SEPTIN9: variants seen among roughly 807,000 people sequenced by gnomAD.
SEPTIN9 encodes septin 9.
SEPTIN9 carries 13 observed loss-of-function variants against 56.6 expected under a neutral mutation model. The observed-to-expected ratio is 0.23, with a 90% CI of 0.15 to 0.37. The LOEUF (loss-of-function observed/expected upper bound fraction) is 0.37. SEPTIN9 is among the 10% of genes least tolerant of loss of function. SEPTIN9 has a pLI of 1.00. For synonymous variants in SEPTIN9, 332 were observed against 334.1 expected, an observed-to-expected ratio of 0.99 and a Z score of 0.07; for missense variants, 650 against 823.1, an observed-to-expected ratio of 0.79 and a Z score of 2.57.
rs35634675 is a variant in SEPTIN9, at chr17:77,453,605, CAA to C, written c.722-28523_722-28522del. Among the ~76,000 whole-genome samples, 45 of 81,084 alleles carry C rather than the reference CAA, an allele frequency of 5.5e-4. No individual in the cohort carries two copies. The highest frequency in any genetic ancestry group is 1.3e-3 in the Admixed American group (9 of 7,150). 53.2% of individuals were successfully genotyped at this position (81,084 alleles called of 152,430 possible). Reference sequence around the variant, plus strand: ...GGGCAACAAGAGTGAAACTCTGTCTCAAAAAAAAAAAAAAAAAGCCTTATCTG... The same window carrying C: ...GGGCAACAAGAGTGAAACTCTGTCTCAAAAAAAAAAAAAAAGCCTTATCTG... On this transcript the variant is annotated intron_variant, in intron 3 of 11. Transcript: ENST00000427177. This position sits in a 1 kb window ranked among gnomAD's most constrained non-coding sequence, Gnocchi z 4.4.
At chr17:77,306,082 G>A (rs544053596) in intron 1 of SEPTIN9, among the ~76,000 whole-genome samples, 19 of 151,940 alleles carry the variant, frequency 1.3e-4, no homozygotes, top group African/African-American at 4.6e-4. Context: ...GGTGGATGGG[G>A]TCCATGGGTG....
At chr17:77,373,480 C>G in intron 2 of SEPTIN9, 1 of 1,527,432 alleles carries the variant, frequency 6.5e-7, no homozygotes, top group Non-Finnish European at 8.8e-7. Flanking sequence ...CCGCGCGACC[C>G]GCTGCCCACC....
Position 77,369,712 on chromosome 17 carries a change from G to A in SEPTIN9, c.77-32347G>A, listed in dbSNP as rs946238187. On this transcript the variant is annotated intron_variant, in intron 2 of 11. Transcript: ENST00000427177. This position sits in a 1 kb window ranked among gnomAD's most constrained non-coding sequence, Gnocchi z 4.9. ...TGCCACCTAATGGGGTGTCCCGTCT[G>A]GAGCCTCAGTGTTGCTGGGAGAAAG... Among the ~76,000 whole-genome samples, 1 of 152,210 alleles carries A rather than the reference G, an allele frequency of 6.6e-6. No homozygotes were observed. The highest frequency in any genetic ancestry group is 6.5e-5 in the Admixed American group (1 of 15,286).
chr17:77,477,648 G>A (rs1242941037), intron 3 of SEPTIN9, among the ~76,000 whole-genome samples: 1 of 152,206 alleles, frequency 6.6e-6, no homozygotes, highest in Non-Finnish European at 1.5e-5. Context: ...CCAGGAGCTC[G>A]CAGAGCAGGA....
chr17:77,288,182 A>T (rs916764682), intron 1 of SEPTIN9: 5 of 1,055,274 alleles, frequency 4.7e-6, no homozygotes, highest in African/African-American at 1.7e-5. Context: ...TCTTTTCTCA[A>T]TGGGGATGTG....
At chr17:77,470,322 C>T (rs1222369654) in intron 3 of SEPTIN9, among the ~76,000 whole-genome samples, 1 of 151,538 alleles carries the variant, frequency 6.6e-6, no homozygotes, top group Non-Finnish European at 1.5e-5. Flanking sequence ...ACCCATCCAT[C>T]TACCCATCCT....
At chr17:77,296,901 T>C (rs1034641975) in intron 1 of SEPTIN9, among the ~76,000 whole-genome samples, 4 of 151,856 alleles carry the variant, frequency 2.6e-5, no homozygotes, top group Non-Finnish European at 5.9e-5. Flanking sequence ...GCTAGATAGA[T>C]GACAGATGGA....
rs143156880 is a variant in SEPTIN9 at position 77,449,615 on chromosome 17, C to T, written c.722-32529C>T. Among the ~76,000 whole-genome samples, 948 of 152,256 alleles carry T rather than the reference C, an allele frequency of 6.2e-3. 9 individuals carry two copies. Among genetic ancestry groups the T allele is most frequent in the African/African-American group, 0.022 (912 of 41,560 alleles). ...AGGGGCGTGGTGGGAGCTGCATCCTCGAGGCTTTCTGTTGACCCTGACACC... is the reference window on the plus strand; with the variant it reads ...AGGGGCGTGGTGGGAGCTGCATCCTTGAGGCTTTCTGTTGACCCTGACACC... On this transcript the variant is annotated intron_variant, in intron 3 of 11. Coordinates refer to ENST00000427177, the MANE Select transcript of SEPTIN9 (RefSeq NM_001113491.2). The surrounding 1 kb of genome is among the most constrained non-coding windows in gnomAD (Gnocchi z 4.6).
rs1268177749 is a variant in SEPTIN9, at chr17:77,310,564, A to G, written c.76+3367A>G. 6.8e-6 allele frequency among the ~76,000 whole-genome samples: 1 copy of G among 147,994 alleles called. No individual in the cohort carries two copies. The highest frequency in any genetic ancestry group is 1.5e-5 in the Non-Finnish European group (1 of 67,410). ...ATCGCCGAAGGTCTTCTCTGTTACT[A>G]GTGCTGCCGGGAACGTGTGTTTCCC... On this transcript the variant is annotated intron_variant, in intron 2 of 11. Coordinates refer to ENST00000427177, the MANE Select transcript of SEPTIN9 (RefSeq NM_001113491.2). The surrounding 1 kb of genome is among the most constrained non-coding windows in gnomAD (Gnocchi z 4.7).
chr17:77,290,863 G>A, intron 1 of SEPTIN9, among the ~76,000 whole-genome samples: 1 of 146,410 alleles, frequency 6.8e-6, no homozygotes, highest in South Asian at 2.1e-4. Context: ...ATACCCACTT[G>A]CATTATTTAT....
intron 3 of SEPTIN9, among the ~76,000 whole-genome samples, chr17:77,460,771 T>C (rs983309732): frequency 1.3e-5 from 2 of 152,162 alleles, no homozygotes; most frequent in Non-Finnish European, 2.9e-5. Flanking sequence ...CACAGCTGCA[T>C]CTTGCATCCG....
In SEPTIN9 at chr17:77,492,675, G is replaced by A; in HGVS notation, c.1435G>A (p.Asp479Asn). 1 of 1,614,176 alleles carries A rather than the reference G, an allele frequency of 6.2e-7. No homozygotes were observed. The change falls in exon 9 of 12, where the codon GAT becomes AAT. Residue 479 changes from aspartate (D) to asparagine (N), a missense_variant. By Grantham distance (23) the Asp-to-Asn change is conservative. Coordinates refer to ENST00000427177, the MANE Select transcript of SEPTIN9 (RefSeq NM_001113491.2). This position sits in a 1 kb window ranked among gnomAD's most constrained non-coding sequence, Gnocchi z 5.4. ...CGACGTGTACCCCCAGAAGGAATTT[G>A]ATGAGGACTCGGAGGACCGGCTGGT... Reference protein sequence around the residue: ...GIDVYPQKEFDEDSEDRLVNE... With the variant: ...GIDVYPQKEFNEDSEDRLVNE...
At chr17:77,498,013 C>G (rs1189334805) in intron 11 of SEPTIN9, among the ~76,000 whole-genome samples, 1 of 152,106 alleles carries the variant, frequency 6.6e-6, no homozygotes, top group Non-Finnish European at 1.5e-5. Flanking sequence ...GATTATTCCT[C>G]CTGAGCTGCA....
intron 3 of SEPTIN9, among the ~76,000 whole-genome samples, chr17:77,408,923 C>T: frequency 6.6e-6 from 1 of 152,116 alleles, no homozygotes; most frequent in East Asian, 1.9e-4. Context: ...AGGTGTAAGG[C>T]AGGGGGCCTT....
chr17:77,402,712 C>T lies in SEPTIN9; in HGVS notation c.721+9C>T. 2 of 1,572,344 alleles carry T rather than the reference C, an allele frequency of 1.3e-6. No individual in the cohort carries two copies. Among genetic ancestry groups the T allele is most frequent in the South Asian group, 1.2e-5 (1 of 85,428 alleles). ...ACCCCGGAGCCAGGAGGGTGAGTCG[C>T]AGAGCGCTAGGTCTTGGATGCTGTG... On this transcript the variant is annotated intron_variant, in intron 3 of 11. Coordinates refer to ENST00000427177, the MANE Select transcript of SEPTIN9 (RefSeq NM_001113491.2). This position sits in a 1 kb window ranked among gnomAD's most constrained non-coding sequence, Gnocchi z 6.6.
intron 1 of SEPTIN9, among the ~76,000 whole-genome samples, chr17:77,305,103 G>A (rs1029995598): frequency 6.6e-6 from 1 of 152,138 alleles, no homozygotes; most frequent in Non-Finnish European, 1.5e-5. Context: ...GATCTGCGCC[G>A]AGGTCTGCCT....
chr17:77,498,507 C>G lies in SEPTIN9; in HGVS notation c.1626-16C>G. On this transcript the variant is annotated splice_polypyrimidine_tract_variant and intron_variant, in intron 11 of 11. Coordinates refer to ENST00000427177, the MANE Select transcript of SEPTIN9 (RefSeq NM_001113491.2). ...TGCGCCCACCTCACTGACCCGCCCG[C>G]CCCCCACCCCCACAGGACGCACATG... 2.2e-6 allele frequency: 1 copy of G among 446,452 alleles called. No individual in the cohort carries two copies. Among genetic ancestry groups the G allele is most frequent in the Non-Finnish European group, 4.5e-6 (1 of 220,840 alleles). The allele number at this position is 446,452 out of a possible 1,614,324, so 27.7% of individuals were successfully genotyped here.
chr17:77,449,824 G>A lies in SEPTIN9; in HGVS notation c.722-32320G>A, dbSNP rs1189515485. Among the ~76,000 whole-genome samples the A allele has an allele frequency of 1.3e-5, 2 of 152,174 alleles. No homozygotes were observed. The highest frequency in any genetic ancestry group is 6.5e-5 in the Admixed American group (1 of 15,284). ...GGGGAGCTGTATTTTCTGAGTGGCC[G>A]CACTTCCTGGCCTAGACGTGTGTGT... On this transcript the variant is annotated intron_variant, in intron 3 of 11. Transcript: ENST00000427177. The surrounding 1 kb of genome is among the most constrained non-coding windows in gnomAD (Gnocchi z 4.6).
chr17:77,427,977 C>T lies in SEPTIN9; in HGVS notation c.721+25274C>T, dbSNP rs572345140. ...AGGCCCAGTTAGCCTGGTTTTCGTTCGATTCATTTATTGTCATCAGTGCCA... is the reference window on the plus strand; with the variant it reads ...AGGCCCAGTTAGCCTGGTTTTCGTTTGATTCATTTATTGTCATCAGTGCCA... On this transcript the variant is annotated intron_variant, in intron 3 of 11. Coordinates refer to ENST00000427177, the MANE Select transcript of SEPTIN9 (RefSeq NM_001113491.2). Among the ~76,000 whole-genome samples, 13 of 152,296 alleles carry T rather than the reference C, an allele frequency of 8.5e-5. 1 individual carries two copies. The highest frequency in any genetic ancestry group is 2.2e-4 in the African/African-American group (9 of 41,548).
Sources: allele counts gnomAD v4.1 joint callset (sites outside exome capture counted in the v4.1 genomes callset), GRCh38; gene constraint gnomAD v4.1.1; non-coding constraint Gnocchi (gnomAD v3.1); transcripts MANE v1.5; gene names NCBI Gene and HGNC (gene_info 2026-07-23, HGNC 2026-07-21).